The following GRID2 variants were observed in gnomAD, a reference collection of about 807,000 sequenced individuals.
GRID2 encodes the protein glutamate receptor ionotropic, delta-2.
A neutral mutation model predicts 114.8 loss-of-function variants in GRID2; 33 were observed. That is an observed-to-expected ratio of 0.29 (90% CI 0.22 to 0.38). The LOEUF (loss-of-function observed/expected upper bound fraction) is 0.38, where lower values mean the gene tolerates loss of function less well. Among genes scored for constraint, GRID2 ranks in the 10% least tolerant of loss-of-function variants. GRID2 has a pLI of 1.00. For synonymous variants in GRID2, 505 were observed against 449.9 expected (o/e 1.12, Z -1.55); for missense variants, 1,184 against 1,257.7 (o/e 0.94, Z 0.89).
intron 13 of GRID2, among the ~76,000 whole-genome samples, chr4:93,561,177 G>C (rs1186669178): frequency 6.6e-6 from 1 of 152,060 alleles, no homozygotes; most frequent in Non-Finnish European, 1.5e-5. Flanking sequence ...CTGATTGTTG[G>C]AGATGAGTAT....
intron 1 of GRID2, among the ~76,000 whole-genome samples, chr4:92,466,276 A>T (rs377039532): frequency 5.3e-5 from 8 of 151,908 alleles, no homozygotes; most frequent in East Asian, 3.9e-4. Flanking sequence ...ATAATATATT[A>T]ATGTTCACTA....
At chr4:92,419,119 T>G (rs1731764707) in intron 1 of GRID2, among the ~76,000 whole-genome samples, 2 of 152,210 alleles carry the variant, frequency 1.3e-5, no homozygotes, top group African/African-American at 2.4e-5. Flanking sequence ...GTAGACAAGT[T>G]TGTCATTTTC....
chr4:93,580,315 C>A (rs1475151903), intron 13 of GRID2, among the ~76,000 whole-genome samples: 1 of 152,170 alleles, frequency 6.6e-6, no homozygotes, highest in Non-Finnish European at 1.5e-5. Context: ...GAACTATTAT[C>A]TTATTCTTCC....
chr4:93,529,541 C>A (rs1189435568), intron 13 of GRID2, among the ~76,000 whole-genome samples: 1 of 152,168 alleles, frequency 6.6e-6, no homozygotes, highest in African/African-American at 2.4e-5. Context: ...GTGGCCTAGG[C>A]TCAATTTTAG....
intron 2 of GRID2, among the ~76,000 whole-genome samples, chr4:92,628,468 C>T (rs1383494778): frequency 6.6e-6 from 1 of 152,118 alleles, no homozygotes; most frequent in Admixed American, 6.6e-5. Flanking sequence ...AAGCAATTCT[C>T]CTGCCTCAGC....
At chr4:92,929,231 A>G (rs922960750) in intron 2 of GRID2, among the ~76,000 whole-genome samples, 1 of 151,458 alleles carries the variant, frequency 6.6e-6, no homozygotes, top group East Asian at 1.9e-4. Flanking sequence ...TTATTGTTGC[A>G]TGAATAAAAC....
intron 2 of GRID2, among the ~76,000 whole-genome samples, chr4:92,880,782 CG>C (rs1560664614): frequency 2.0e-5 from 3 of 152,130 alleles, no homozygotes; most frequent in Non-Finnish European, 4.4e-5. Context: ...AGTGCAATGA[CG>C]CTATCTTGGC....
intron 2 of GRID2, among the ~76,000 whole-genome samples, chr4:92,636,526 T>A (rs1285903350): frequency 1.3e-5 from 2 of 152,086 alleles, no homozygotes; most frequent in African/African-American, 2.4e-5. Context: ...CACTTGGTGA[T>A]ACATTTCACA....
intron 2 of GRID2, among the ~76,000 whole-genome samples, chr4:92,792,068 G>T (rs1739616272): frequency 1.3e-5 from 2 of 151,774 alleles, no homozygotes; most frequent in African/African-American, 2.4e-5. Flanking sequence ...CATGGAATCT[G>T]TCCAAGACAC....
At chr4:93,341,835 T>TATGTTC (rs1759688431) in intron 8 of GRID2, among the ~76,000 whole-genome samples, 1 of 152,174 alleles carries the variant, frequency 6.6e-6, no homozygotes, top group African/African-American at 2.4e-5. Context: ...GGTGAAATAT[T>TATGTTC]ATGTTCTTAT....
intron 14 of GRID2, among the ~76,000 whole-genome samples, chr4:93,693,354 T>C (rs1362351483): frequency 1.3e-5 from 2 of 152,196 alleles, no homozygotes; most frequent in East Asian, 1.9e-4. Flanking sequence ...AAACTCTTAA[T>C]ACTGGAATCC....
chr4:93,360,851 G>T lies in GRID2; in HGVS notation c.1246-34756G>T, dbSNP rs928374989. ...ATTTTAAATTTTTTTTACTCCACAT[G>T]CAATTTTGTCTATATTTTTTCTGTA... is the stretch of plus-strand genomic sequence containing the variant. On this transcript the variant is annotated intron_variant, in intron 8 of 15. Transcript: ENST00000282020. 1.3e-4 allele frequency among the ~76,000 whole-genome samples: 19 copies of T among 151,478 alleles called. No individual in the cohort carries two copies. The East Asian group carries it at 3.7e-3, about 29-fold the overall frequency.
At chr4:93,161,869 T>C (rs1737715865) in intron 4 of GRID2, among the ~76,000 whole-genome samples, 1 of 151,818 alleles carries the variant, frequency 6.6e-6, no homozygotes, top group East Asian at 1.9e-4. Flanking sequence ...ACTTTAAGTT[T>C]TTCTTATTAA....
intron 1 of GRID2, among the ~76,000 whole-genome samples, chr4:92,472,441 T>TA (rs1722094104): frequency 6.6e-6 from 1 of 152,158 alleles, no homozygotes; most frequent in African/African-American, 2.4e-5. Context: ...TTTGGGTAAA[T>TA]ACCTAGGAAT....
chr4:92,726,243 T>C (rs999884299), intron 2 of GRID2, among the ~76,000 whole-genome samples: 20 of 152,134 alleles, frequency 1.3e-4, no homozygotes, highest in Non-Finnish European at 2.8e-4. Context: ...CTCTCAAATA[T>C]ATTCTCTTCT....
intron 1 of GRID2, among the ~76,000 whole-genome samples, chr4:92,449,676 G>GATATATATATATATAT (rs371209786): frequency 0.01 from 999 of 96,622 alleles, 26 homozygotes; most frequent in Non-Finnish European, 0.015. Context: ...TTTTCTTACT[G>GATATATATATATATAT]ATATATATAT....
At chr4:92,587,746 G>A (rs903439935) in intron 1 of GRID2, among the ~76,000 whole-genome samples, 1 of 152,066 alleles carries the variant, frequency 6.6e-6, no homozygotes, top group African/African-American at 2.4e-5. Flanking sequence ...ATTGACTAAT[G>A]TGCTATCATT....
intron 14 of GRID2, among the ~76,000 whole-genome samples, chr4:93,662,481 T>C (rs2149739261): frequency 6.6e-6 from 1 of 152,308 alleles, no homozygotes; most frequent in Non-Finnish European, 1.5e-5. Context: ...TTTTTTGCAA[T>C]AGAGTAAGCT....
intron 1 of GRID2, among the ~76,000 whole-genome samples, chr4:92,582,760 A>G (rs1472706815): frequency 6.6e-6 from 1 of 151,814 alleles, no homozygotes; most frequent in Non-Finnish European, 1.5e-5. Context: ...TTCTCAAGTG[A>G]GGAACACTTG....
Sources: gnomAD v4.1 joint callset for allele counts (sites outside exome capture counted in the v4.1 genomes callset) on GRCh38, gnomAD v4.1.1 for gene constraint, MANE v1.5 for transcripts, NCBI Gene and HGNC (gene_info 2026-07-23, HGNC 2026-07-21) for gene names.